AGPS: variants seen among roughly 807,000 people sequenced by gnomAD.
AGPS encodes alkylglycerone phosphate synthase.
Under a neutral mutation model 90.7 loss-of-function variants are expected in AGPS, and 26 were observed. The observed-to-expected ratio is 0.29, with a 90% CI of 0.21 to 0.40. The LOEUF is 0.40. AGPS is among the 10% of genes least tolerant of loss of function. The pLI is 1.00. For synonymous variants in AGPS, 294 were observed against 285.3 expected, an observed-to-expected ratio of 1.03 and a Z score of -0.31; for missense variants, 540 against 816.1, an observed-to-expected ratio of 0.66 and a Z score of 4.12.
Position 177,434,237 on chromosome 2 carries a change from G to C in AGPS, c.351-90G>C, listed in dbSNP as rs571134475. 14 of 880,826 alleles carry C rather than the reference G, an allele frequency of 1.6e-5. No homozygotes were observed. In the South Asian group the frequency reaches 1.8e-4, roughly 12 times the overall value. The allele number at this position is 880,826 out of a possible 1,614,324, so 54.6% of individuals were successfully genotyped here. A position where few individuals can be genotyped will look rare whatever the true frequency, so the allele number is the denominator to read the frequency against. On this transcript the variant is annotated intron_variant, in intron 2 of 19. Coordinates refer to ENST00000264167, the MANE Select transcript of AGPS (RefSeq NM_003659.4). ...ATGTGAAAGTGTTGGTTTGATAGTA[G>C]CTGCTTGACCATCACTGGAAGCAGA...
At chr2:177,435,193 A>G (rs1281896962) in intron 3 of AGPS, among the ~76,000 whole-genome samples, 1 of 151,798 alleles carries the variant, frequency 6.6e-6, no homozygotes, top group Non-Finnish European at 1.5e-5. Context: ...GTACAGGGCT[A>G]TGTCTTATAC....
intron 19 of AGPS, among the ~76,000 whole-genome samples, chr2:177,528,650 A>G (rs1349722020): frequency 6.6e-6 from 1 of 152,114 alleles, no homozygotes; most frequent in Non-Finnish European, 1.5e-5. Context: ...AATTAAATTT[A>G]TTGAGGTTAA....
intron 8 of AGPS, among the ~76,000 whole-genome samples, chr2:177,454,269 T>C (rs900840192): frequency 6.6e-6 from 1 of 152,048 alleles, no homozygotes. Flanking sequence ...ATTTTTTTCT[T>C]TTAGTTCCTG....
intron 10 of AGPS, among the ~76,000 whole-genome samples, chr2:177,471,098 T>C (rs1228129569): frequency 6.6e-6 from 1 of 152,194 alleles, no homozygotes; most frequent in East Asian, 1.9e-4. Context: ...TTTCAGTTTG[T>C]GAATATAGAG....
At chr2:177,462,050 T>C (rs1481682995) in intron 9 of AGPS, 32 bp downstream of exon 9, 1 of 1,514,506 alleles carries the variant, frequency 6.6e-7, no homozygotes, top group East Asian at 2.5e-5. Context: ...ATGTAATAAT[T>C]GATTAGTATA....
intron 11 of AGPS, among the ~76,000 whole-genome samples, chr2:177,491,940 C>T (rs545614638): frequency 6.6e-6 from 1 of 151,994 alleles, no homozygotes; most frequent in East Asian, 1.9e-4. Context: ...TGTATACCAC[C>T]ACGCCCAGTT....
chr2:177,441,119 C>G, intron 6 of AGPS, 83 bp downstream of exon 6: 1 of 1,158,002 alleles, frequency 8.6e-7, no homozygotes, highest in Non-Finnish European at 1.3e-6. Context: ...CGTCACCCTA[C>G]TGAAAACAAA....
chr2:177,524,102 C>T (rs2105735424), intron 19 of AGPS, among the ~76,000 whole-genome samples: 1 of 152,196 alleles, frequency 6.6e-6, no homozygotes, highest in Admixed American at 6.5e-5. Context: ...TTGACCATTA[C>T]AGCAAACGTT....
intron 10 of AGPS, among the ~76,000 whole-genome samples, chr2:177,469,937 T>C (rs138741722): frequency 3.9e-4 from 60 of 152,262 alleles, no homozygotes; most frequent in African/African-American, 1.3e-3. Flanking sequence ...TACAACAGCG[T>C]GACAAATTAC....
intron 8 of AGPS, among the ~76,000 whole-genome samples, chr2:177,455,562 A>G (rs184816607): frequency 2.2e-4 from 33 of 151,872 alleles, no homozygotes; most frequent in African/African-American, 7.7e-4. Flanking sequence ...CTAAAGTGTT[A>G]GGATTACAGG....
intron 9 of AGPS, among the ~76,000 whole-genome samples, chr2:177,463,147 C>T (rs76524728): frequency 0.01 from 1,597 of 152,298 alleles, 36 homozygotes; most frequent in African/African-American, 0.036. Context: ...TATGGTGCCA[C>T]TTTGCTGGGA....
intron 1 of AGPS, among the ~76,000 whole-genome samples, chr2:177,396,345 A>T (rs181053164): frequency 2.0e-5 from 3 of 152,348 alleles, no homozygotes; most frequent in East Asian, 1.9e-4. Flanking sequence ...TCATGCTTAT[A>T]AAATATAGCA....
At chr2:177,483,513 C>T (rs1253975338) in intron 11 of AGPS, among the ~76,000 whole-genome samples, 3 of 152,164 alleles carry the variant, frequency 2.0e-5, no homozygotes, top group Non-Finnish European at 2.9e-5. Context: ...TGCTAGACTA[C>T]TCCTGGGTAG....
chr2:177,499,025 G>T (rs549511402), intron 13 of AGPS, among the ~76,000 whole-genome samples: 28 of 151,922 alleles, frequency 1.8e-4, no homozygotes, highest in African/African-American at 6.3e-4. Context: ...GAATAAACTA[G>T]TACATTAATT....
chr2:177,538,290 G>A lies in AGPS; in HGVS notation c.*95G>A. The A allele has an allele frequency of 2.3e-6, 3 of 1,308,684 alleles. No homozygotes were observed. In the South Asian group the frequency reaches 3.8e-5, roughly 17 times the overall value. 81.1% of individuals were successfully genotyped at this position (1,308,684 alleles called of 1,614,324 possible). A position where few individuals can be genotyped will look rare whatever the true frequency, so the allele number is the denominator to read the frequency against. ...TCAAATATATCATGGACTATATTTT[G>A]GATACATTTGTTTCTTTGGTTTAAA... On this transcript the variant is annotated 3_prime_UTR_variant, in exon 20 of 20. Transcript: ENST00000264167.
chr2:177,432,471 CT>C (rs1361038367), intron 2 of AGPS, among the ~76,000 whole-genome samples: 1 of 152,192 alleles, frequency 6.6e-6, no homozygotes, highest in Non-Finnish European at 1.5e-5. Context: ...GTTGCTGTAG[CT>C]TTGACTAAGC....
intron 17 of AGPS, among the ~76,000 whole-genome samples, chr2:177,518,643 C>A (rs772859006): frequency 3.4e-4 from 52 of 151,304 alleles, no homozygotes; most frequent in Non-Finnish European, 5.9e-4. Context: ...TAAAGAAGAG[C>A]TTTCCTCTCC....
intron 18 of AGPS, among the ~76,000 whole-genome samples, chr2:177,523,416 G>A (rs1481004788): frequency 2.0e-5 from 3 of 152,134 alleles, no homozygotes; most frequent in Non-Finnish European, 2.9e-5. Flanking sequence ...AGAGATGTTC[G>A]TTACTAAGTA....
In AGPS at chr2:177,542,494, G is replaced by A. The variant is rs1032954195; in HGVS notation, c.*4299G>A. ...CAGAATTTAGTAACTTTAGTTCTGT[G>A]AACATGAAAAGATTTCTTTTTTGGT... On this transcript the variant is annotated 3_prime_UTR_variant, in exon 20 of 20. Transcript: ENST00000264167. 6.6e-6 allele frequency: 1 copy of A among 152,056 alleles called. No individual in the cohort carries two copies. Among genetic ancestry groups the A allele is most frequent in the Non-Finnish European group, 1.5e-5 (1 of 68,014 alleles). 9.4% of individuals were successfully genotyped at this position (152,056 alleles called of 1,614,324 possible). A position where few individuals can be genotyped will look rare whatever the true frequency, so the allele number is the denominator to read the frequency against.
Sources: gnomAD v4.1 joint callset for allele counts (sites outside exome capture counted in the v4.1 genomes callset) on GRCh38, gnomAD v4.1.1 for gene constraint, MANE v1.5 for transcripts, NCBI Gene and HGNC (gene_info 2026-07-23, HGNC 2026-07-21) for gene names.